Variants in LRRFIP1 observed in about 807,000 individuals in gnomAD.
LRRFIP1 encodes the protein leucine-rich repeat flightless-interacting protein 1.
In LRRFIP1, 62 loss-of-function variants were observed where a neutral mutation model predicts 104.4. The observed-to-expected ratio is 0.59, with a 90% confidence interval of 0.48 to 0.73. The LOEUF (loss-of-function observed/expected upper bound fraction) is 0.73, where lower values mean the gene tolerates loss of function less well. Ranked by LOEUF, LRRFIP1 falls within the 30% of genes least tolerant of loss-of-function variation. LRRFIP1 has a pLI of 0.00. For synonymous variants in LRRFIP1, 300 were observed against 299.0 expected (o/e 1.00, Z -0.03); for missense variants, 796 against 824.5 (o/e 0.97, Z 0.42).
intron 19 of LRRFIP1, chr2:237,764,721 C>G (rs2060147234): frequency 3.0e-6 from 3 of 986,618 alleles, no homozygotes; most frequent in Non-Finnish European, 3.6e-6. Flanking sequence ...TTAAGGATAA[C>G]AAGTAAATGT....
intron 2 of LRRFIP1, among the ~76,000 whole-genome samples, chr2:237,713,006 C>T (rs140912724): frequency 1.5e-3 from 227 of 152,202 alleles, no homozygotes; most frequent in African/African-American, 5.2e-3. Flanking sequence ...CTGTTTTCAT[C>T]GGGGTCACAA....
At position 237,649,796 on chromosome 2, in the gene LRRFIP1, C is replaced by T. The variant is rs1383922664; in HGVS notation, c.96+22056C>T. 6.6e-6 allele frequency among the ~76,000 whole-genome samples: 1 copy of T among 151,828 alleles called. No homozygotes were observed. The highest frequency in any genetic ancestry group is 1.5e-5 in the Non-Finnish European group (1 of 67,906). On this transcript the variant is annotated intron_variant, in intron 1 of 23. Transcript: ENST00000308482. This position sits in a 1 kb window ranked among gnomAD's most constrained non-coding sequence, Gnocchi z 4.1. ...CCAGTCCTTGGTCATGCCACCCGGGCTGAGTTCATTTACCTGCTCATTCAT... is the reference window on the plus strand; with the variant it reads ...CCAGTCCTTGGTCATGCCACCCGGGTTGAGTTCATTTACCTGCTCATTCAT...
At position 237,781,180 on chromosome 2, in the gene LRRFIP1, A is replaced by T. The variant is rs1389414054; in HGVS notation, c.*1648A>T. Among the ~76,000 whole-genome samples the T allele has an allele frequency of 6.6e-6, 1 of 152,270 alleles. No homozygotes were observed. Among genetic ancestry groups the T allele is most frequent in the African/African-American group, 2.4e-5 (1 of 41,474 alleles). ...CAACATCTGAATACAAGCATGTTTAACTGGGAAAATGTCTATGTCATGCGT... is the reference window on the plus strand; with the variant it reads ...CAACATCTGAATACAAGCATGTTTATCTGGGAAAATGTCTATGTCATGCGT... On this transcript the variant is annotated 3_prime_UTR_variant, in exon 24 of 24. Coordinates refer to ENST00000308482, the MANE Select transcript of LRRFIP1 (RefSeq NM_001137550.2).
chr2:237,685,009 A>G lies in LRRFIP1; in HGVS notation c.97-23535A>G, dbSNP rs1020077872. On this transcript the variant is annotated intron_variant, in intron 1 of 23. Transcript: ENST00000308482. The stretch of plus-strand genomic sequence containing the variant: ...GGCTGAGTTGGGAGGATAGCTTGAG[A>G]CAAGGTTGCAGTGAGCCAAGGTTGT... Among the ~76,000 whole-genome samples, 3 of 151,778 alleles carry G rather than the reference A, an allele frequency of 2.0e-5. No individual in the cohort carries two copies. In the East Asian group the frequency reaches 5.8e-4, roughly 29 times the overall value.
chr2:237,730,919 G>GACAAACAAACAAACAAACAA (rs3053643), intron 8 of LRRFIP1, among the ~76,000 whole-genome samples: 4 of 151,304 alleles, frequency 2.6e-5, no homozygotes, highest in South Asian at 2.1e-4. Flanking sequence ...TTCCATCTCA[G>GACAAACAAACAAACAAACAA]ACAAACAAAC....
intron 6 of LRRFIP1, 122 bp downstream of exon 6, chr2:237,720,944 C>A (rs556389231): frequency 8.7e-6 from 7 of 804,076 alleles, no homozygotes; most frequent in African/African-American, 1.7e-5. Context: ...AATATTTAAC[C>A]GATGAGATGC....
intron 22 of LRRFIP1, 34 bp downstream of exon 22, chr2:237,772,979 T>C: frequency 1.3e-6 from 2 of 1,536,468 alleles, no homozygotes; most frequent in East Asian, 2.2e-5. Flanking sequence ...GAACTGATGA[T>C]TGACTGGAGT....
At chr2:237,723,872 G>A (rs544279358) in intron 7 of LRRFIP1, among the ~76,000 whole-genome samples, 17 of 152,358 alleles carry the variant, frequency 1.1e-4, no homozygotes, top group Non-Finnish European at 2.5e-4. Flanking sequence ...CCTTGTGTTA[G>A]CAGCTGTGCA....
At chr2:237,739,988 C>T (rs1047025203) in intron 11 of LRRFIP1, among the ~76,000 whole-genome samples, 1 of 151,922 alleles carries the variant, frequency 6.6e-6, no homozygotes, top group Non-Finnish European at 1.5e-5. Flanking sequence ...GGCACATGGC[C>T]GGGGAAACAG....
chr2:237,733,951 A>G, intron 9 of LRRFIP1, 133 bp downstream of exon 9: 1 of 900,814 alleles, frequency 1.1e-6, no homozygotes, highest in Non-Finnish European at 1.8e-6. Flanking sequence ...TGGAGCTTAC[A>G]TGTGCCAGTG....
At position 237,649,257 on chromosome 2, in the gene LRRFIP1, C is replaced by T. The variant is rs893120120; in HGVS notation, c.96+21517C>T. Among the ~76,000 whole-genome samples the T allele has an allele frequency of 1.1e-4, 16 of 151,858 alleles. No individual in the cohort carries two copies. The highest frequency in any genetic ancestry group is 5.9e-4 in the Admixed American group (9 of 15,264). ...AGCTACGAACACTGTAGGCCGGGCG[C>T]GATGGCTCACACCTGTAATCCCAGC... On this transcript the variant is annotated intron_variant, in intron 1 of 23. Coordinates refer to ENST00000308482, the MANE Select transcript of LRRFIP1 (RefSeq NM_001137550.2). The surrounding 1 kb of genome is among the most constrained non-coding windows in gnomAD (Gnocchi z 4.1).
intron 14 of LRRFIP1, among the ~76,000 whole-genome samples, chr2:237,752,488 AG>A (rs1270701364): frequency 1.3e-5 from 2 of 152,202 alleles, no homozygotes; most frequent in Non-Finnish European, 2.9e-5. Flanking sequence ...CCTGGTGTGG[AG>A]GTACAGAGCT....
At chr2:237,669,496 G>T (rs757637577) in intron 1 of LRRFIP1, among the ~76,000 whole-genome samples, 2 of 152,162 alleles carry the variant, frequency 1.3e-5, no homozygotes, top group Non-Finnish European at 2.9e-5. Context: ...CTGATTTGTG[G>T]ATTGCTTATT....
intron 23 of LRRFIP1, among the ~76,000 whole-genome samples, chr2:237,777,045 A>T (rs1036839490): frequency 2.0e-5 from 3 of 152,116 alleles, no homozygotes; most frequent in Non-Finnish European, 4.4e-5. Flanking sequence ...TTAAAAAAAA[A>T]TTAAAGTTGA....
At chr2:237,759,366 G>A (rs117515025) in intron 18 of LRRFIP1, among the ~76,000 whole-genome samples, 10 of 152,268 alleles carry the variant, frequency 6.6e-5, no homozygotes, top group East Asian at 5.8e-4. Context: ...TTCCTGAACC[G>A]TCACCATCTG....
chr2:237,641,717 G>A (rs1228879204), intron 1 of LRRFIP1, among the ~76,000 whole-genome samples: 1 of 152,146 alleles, frequency 6.6e-6, no homozygotes, highest in Non-Finnish European at 1.5e-5. Context: ...GTTGCACTCT[G>A]TATTACCAAT....
chr2:237,697,150 G>A (rs2093243859), intron 1 of LRRFIP1, among the ~76,000 whole-genome samples: 1 of 152,142 alleles, frequency 6.6e-6, no homozygotes, highest in Non-Finnish European at 1.5e-5. Context: ...GACCTCTGAA[G>A]CAGCTGGGAC....
intron 1 of LRRFIP1, among the ~76,000 whole-genome samples, chr2:237,648,427 T>C (rs28719981): frequency 0.13 from 19,629 of 151,854 alleles, 1,972 homozygotes; most frequent in Non-Finnish European, 0.2. Context: ...TGTAATCTGG[T>C]ATAACAAGAT....
rs749067602 is a variant in LRRFIP1 at position 237,781,475 on chromosome 2, C to T, written c.*1943C>T. Among the ~76,000 whole-genome samples the T allele has an allele frequency of 2.0e-5, 3 of 152,170 alleles. No individual in the cohort carries two copies. The highest frequency in any genetic ancestry group is 4.8e-5 in the African/African-American group (2 of 41,440). ...GTGTCTCACAGCCCTGAGAAGATGG[C>T]GTTTTCCCTATCAGTGGCTCTGAGG... is the stretch of plus-strand genomic sequence containing the variant. On this transcript the variant is annotated 3_prime_UTR_variant, in exon 24 of 24. Transcript: ENST00000308482.
Sources: gnomAD v4.1 joint callset for allele counts (sites outside exome capture counted in the v4.1 genomes callset) on GRCh38, gnomAD v4.1.1 for gene constraint, Gnocchi (gnomAD v3.1) non-coding constraint, MANE v1.5 for transcripts, NCBI Gene and HGNC (gene_info 2026-07-23, HGNC 2026-07-21) for gene names.